The following ZNF776 variants were observed in gnomAD, a reference collection of about 807,000 sequenced individuals.
ZNF776 encodes zinc finger protein 776.
A neutral mutation model predicts 7.0 loss-of-function variants in ZNF776; 4 were observed. The observed-to-expected ratio is 0.57, with a 90% confidence interval of 0.28 to 1.31. The LOEUF (loss-of-function observed/expected upper bound fraction) is 1.31, where lower values mean the gene tolerates loss of function less well. ZNF776 is among the 50% of genes most tolerant of loss of function. The probability of loss-of-function intolerance (pLI) is 0.10; values close to 1 mark genes in which losing one functional copy is unlikely to be tolerated. For synonymous variants in ZNF776, 212 were observed against 213.7 expected (o/e 0.99, Z 0.07); for missense variants, 555 against 625.9 (o/e 0.89, Z 1.21).
Position 57,754,629 on chromosome 19 carries a change from AG to A in ZNF776, c.1502del (p.Gly501GlufsTer62). The A allele has an allele frequency of 6.2e-7, 1 of 1,614,136 alleles. No homozygotes were observed. The highest frequency in any genetic ancestry group is 8.5e-7 in the Non-Finnish European group (1 of 1,179,978). On this transcript the variant is annotated frameshift_variant, in exon 3 of 3. Coordinates refer to ENST00000317178, the MANE Select transcript of ZNF776 (RefSeq NM_173632.4). LOFTEE classifies it low-confidence loss of function (END_TRUNC). ...CGECGKCFRQKGNLIKHQRVH... is the reference protein window; with the variant it reads ...CGECGKCFRQXGNLIKHQRVH... The stretch of plus-strand genomic sequence containing the variant: ...GAATGTGGAAAGTGTTTTCGTCAAA[AG>A]GGAAACCTCATTAAACATCAACGAG...
At position 57,750,900 on chromosome 19, in the gene ZNF776, T is replaced by C. The variant is rs1215367876; in HGVS notation, c.149T>C (p.Ile50Thr). 5.0e-6 allele frequency: 8 copies of C among 1,610,088 alleles called. No homozygotes were observed. The highest frequency in any genetic ancestry group is 1.7e-4 in the Middle Eastern group (1 of 6,034). Reference sequence around the variant, plus strand: ...GTGATGCTGGAGAACCTGACACTTATATCTTCTCTAGGTAAGGCACTCACA... The same window carrying C: ...GTGATGCTGGAGAACCTGACACTTACATCTTCTCTAGGTAAGGCACTCACA... ...HDVMLENLTL[I>T]SSLGCWYGAK... Residue 50 changes from isoleucine to threonine, a missense_variant, in exon 2 of 3, where the codon ATA becomes ACA. Physicochemically the swap from Ile to Thr is moderately conservative, Grantham distance 89. Coordinates refer to ENST00000317178, the MANE Select transcript of ZNF776 (RefSeq NM_173632.4).
At position 57,753,934 on chromosome 19, in the gene ZNF776, A is replaced by G. The variant is rs1015715579; in HGVS notation, c.804A>G (p.Gln268=). Residue 268 remains glutamine (Q), a synonymous_variant, in exon 3 of 3, where the codon CAA becomes CAG. Transcript: ENST00000317178. The part of the protein sequence containing the change: ...RTGKRPYQCG[Q]CDESFWYKAH... Reference sequence around the variant, plus strand: ...GAAAAAGACCTTATCAGTGTGGACAATGTGATGAATCATTTTGGTATAAGG... The same window carrying G: ...GAAAAAGACCTTATCAGTGTGGACAGTGTGATGAATCATTTTGGTATAAGG... 11 of 1,614,136 alleles carry G rather than the reference A, an allele frequency of 6.8e-6. No individual in the cohort carries two copies. The East Asian group carries it at 1.1e-4, about 16-fold the overall frequency.
intron 1 of ZNF776, among the ~76,000 whole-genome samples, chr19:57,747,845 C>CTT (rs35757667): frequency 3.8e-4 from 55 of 144,940 alleles, no homozygotes; most frequent in African/African-American, 1.2e-3. Flanking sequence ...TCTTAGGTAC[C>CTT]TTTTTTTTTT....
At chr19:57,747,299 G>A (rs1258094901) in intron 1 of ZNF776, among the ~76,000 whole-genome samples, 1 of 152,200 alleles carries the variant, frequency 6.6e-6, no homozygotes, top group South Asian at 2.1e-4. Flanking sequence ...AAGGCCTGGA[G>A]ATGAACTGAG....
rs151216270 is a variant in ZNF776, at chr19:57,753,352, G to A, written c.222G>A (p.Glu74=). Residue 74 remains glutamate (E), a synonymous_variant, in exon 3 of 3, where the codon GAG becomes GAA. Transcript: ENST00000317178. ...AGCAGACCCTTTCTATACAACAGGAGTCCCCACTCAGGACACATTGGACAG... is the reference window on the plus strand; with the variant it reads ...AGCAGACCCTTTCTATACAACAGGAATCCCCACTCAGGACACATTGGACAG... The part of the protein sequence containing the change: ...PSKQTLSIQQ[E]SPLRTHWTGV... 6.2e-6 allele frequency: 10 copies of A among 1,614,058 alleles called. No homozygotes were observed. In the African/African-American group the frequency reaches 1.3e-4, roughly 22 times the overall value.
In ZNF776 at chr19:57,757,011, T is replaced by A. The variant is rs1339549818; in HGVS notation, c.*2324T>A. On this transcript the variant is annotated 3_prime_UTR_variant, in exon 3 of 3. Transcript: ENST00000317178. Reference sequence around the variant, plus strand: ...GAGATTAGCCCAGGTAATTTAAGAATTTTTTATAGAGATAGGGTTTTGCTA... The same window carrying A: ...GAGATTAGCCCAGGTAATTTAAGAAATTTTTATAGAGATAGGGTTTTGCTA... 1 of 338,334 alleles carries A rather than the reference T, an allele frequency of 3.0e-6. No individual in the cohort carries two copies. The highest frequency in any genetic ancestry group is 5.8e-6 in the Non-Finnish European group (1 of 172,050). The allele number at this position is 338,334 out of a possible 1,614,324, so 21.0% of individuals were successfully genotyped here.
chr19:57,754,574 C>G lies in ZNF776; in HGVS notation c.1444C>G (p.His482Asp). The G allele has an allele frequency of 1.2e-6, 2 of 1,614,228 alleles. No homozygotes were observed. Among genetic ancestry groups the G allele is most frequent in the Non-Finnish European group, 1.7e-6 (2 of 1,180,042 alleles). ...CAGTCTCATTCGACATCAGCAGATT[C>G]ACTCTGGAGAAAGGCCACATGAGTG... ...KGSLIRHQQI[H>D]SGERPHECGE... is the part of the protein sequence containing the mutation. The change falls in exon 3 of 3, where the codon CAC (histidine) becomes GAC (aspartate). Residue 482 changes from histidine (H) to aspartate (D), a missense_variant. Coordinates refer to ENST00000317178, the MANE Select transcript of ZNF776 (RefSeq NM_173632.4).
In ZNF776 at chr19:57,755,941, C is replaced by G. The variant is rs1196294565; in HGVS notation, c.*1254C>G. 1 of 152,226 alleles carries G rather than the reference C, an allele frequency of 6.6e-6. No homozygotes were observed. The highest frequency in any genetic ancestry group is 1.5e-5 in the Non-Finnish European group (1 of 68,048). 9.4% of individuals were successfully genotyped at this position (152,226 alleles called of 1,614,324 possible). ...ATGAAGAGTTAGGCCATGGACCTGACTCAGTTCTGGCCTAGAGCAGAAGTG... is the reference window on the plus strand; with the variant it reads ...ATGAAGAGTTAGGCCATGGACCTGAGTCAGTTCTGGCCTAGAGCAGAAGTG... On this transcript the variant is annotated 3_prime_UTR_variant, in exon 3 of 3. Coordinates refer to ENST00000317178, the MANE Select transcript of ZNF776 (RefSeq NM_173632.4).
At position 57,747,182 on chromosome 19, in the gene ZNF776, A is replaced by T; in HGVS notation, c.33+91A>T. The T allele has an allele frequency of 2.1e-6, 3 of 1,400,498 alleles. No individual in the cohort carries two copies. The South Asian group carries it at 3.8e-5, about 18-fold the overall frequency. The allele number at this position is 1,400,498 out of a possible 1,614,324, so 86.8% of individuals were successfully genotyped here. On this transcript the variant is annotated intron_variant, in intron 1 of 2. Coordinates refer to ENST00000317178, the MANE Select transcript of ZNF776 (RefSeq NM_173632.4). The stretch of plus-strand genomic sequence containing the variant: ...AAGCGGCGCCTGCTCAAGGTTTTAC[A>T]CCCTGAACCCGGCGTCGGGACACTG...
Position 57,757,064 on chromosome 19 carries a change from G to C in ZNF776, c.*2377G>C. ...TTACCCTGACTGATGTTCAACTCCT[G>C]GCCTCAAGTAATCCTCTAGCATACG... On this transcript the variant is annotated 3_prime_UTR_variant, in exon 3 of 3. Coordinates refer to ENST00000317178, the MANE Select transcript of ZNF776 (RefSeq NM_173632.4). The C allele has an allele frequency of 3.7e-6, 1 of 271,690 alleles. No homozygotes were observed. The highest frequency in any genetic ancestry group is 7.4e-6 in the Non-Finnish European group (1 of 134,998). 16.8% of individuals were successfully genotyped at this position (271,690 alleles called of 1,614,324 possible). A position where few individuals can be genotyped will look rare whatever the true frequency, so the allele number is the denominator to read the frequency against.
At position 57,753,674 on chromosome 19, in the gene ZNF776, C is replaced by A. The variant is rs765310602; in HGVS notation, c.544C>A (p.Gln182Lys). 6.2e-7 allele frequency: 1 copy of A among 1,614,166 alleles called. No homozygotes were observed. Among genetic ancestry groups the A allele is most frequent in the Admixed American group, 1.7e-5 (1 of 60,022 alleles). ...TTTGTCCAGCTTGAGATTACTCCAA[C>A]AAGAGGACATTCACACTTCAGGGAA... ...DFLSSLRLLQQEDIHTSGKSN... is the reference protein window; with the variant it reads ...DFLSSLRLLQKEDIHTSGKSN... The change falls in exon 3 of 3, where the codon CAA becomes AAA. Residue 182 changes from glutamine to lysine, a missense_variant. Physicochemically the swap from Gln to Lys is moderately conservative, Grantham distance 53. Transcript: ENST00000317178.
At chr19:57,751,151 C>T (rs1031402138) in intron 2 of ZNF776, among the ~76,000 whole-genome samples, 1 of 152,140 alleles carries the variant, frequency 6.6e-6, no homozygotes, top group African/African-American at 2.4e-5. Flanking sequence ...TTACAGGCAC[C>T]ATAATGCATC....
In ZNF776 at chr19:57,756,370, G is replaced by C. The variant is rs998101615; in HGVS notation, c.*1683G>C. On this transcript the variant is annotated 3_prime_UTR_variant, in exon 3 of 3. Coordinates refer to ENST00000317178, the MANE Select transcript of ZNF776 (RefSeq NM_173632.4). ...TAAGCTTCCTTCAATCTTGGGAATTGTATTGACTGTATTGTGTGAATTGTA... is the reference window on the plus strand; with the variant it reads ...TAAGCTTCCTTCAATCTTGGGAATTCTATTGACTGTATTGTGTGAATTGTA... The C allele has an allele frequency of 6.6e-6, 1 of 152,170 alleles. No homozygotes were observed. The highest frequency in any genetic ancestry group is 2.4e-5 in the African/African-American group (1 of 41,410). 9.4% of individuals were successfully genotyped at this position (152,170 alleles called of 1,614,324 possible).
rs1371772357 is a variant in ZNF776, at chr19:57,757,780, C to T, written c.*3093C>T. 1 of 152,078 alleles carries T rather than the reference C, an allele frequency of 6.6e-6. No individual in the cohort carries two copies. The highest frequency in any genetic ancestry group is 1.5e-5 in the Non-Finnish European group (1 of 68,018). The allele number at this position is 152,078 out of a possible 1,614,324, so 9.4% of individuals were successfully genotyped here. A position where few individuals can be genotyped will look rare whatever the true frequency, so the allele number is the denominator to read the frequency against. ...GACCCTGTCTCTTAAAAAATAAATA[C>T]TATCTTTCTCTCTGGCCTCTCCATG... On this transcript the variant is annotated 3_prime_UTR_variant, in exon 3 of 3. Transcript: ENST00000317178.
rs1186463537 is a variant in ZNF776 at position 57,756,248 on chromosome 19, TG to T, written c.*1562del. 1.6e-4 allele frequency: 22 copies of T among 135,172 alleles called. No individual in the cohort carries two copies. The highest frequency in any genetic ancestry group is 6.1e-4 in the African/African-American group (20 of 32,802). The allele number at this position is 135,172 out of a possible 1,614,324, so 8.4% of individuals were successfully genotyped here. A position where few individuals can be genotyped will look rare whatever the true frequency, so the allele number is the denominator to read the frequency against. On this transcript the variant is annotated 3_prime_UTR_variant, in exon 3 of 3. Transcript: ENST00000317178. ...TTTCCTAGGAATCTCATGATTGTCATGATTCTTAAAATGGAATTTTCCAGCC... is the reference window on the plus strand; with the variant it reads ...TTTCCTAGGAATCTCATGATTGTCATATTCTTAAAATGGAATTTTCCAGCC...
At chr19:57,749,923 G>T (rs1986551584) in intron 1 of ZNF776, among the ~76,000 whole-genome samples, 1 of 152,112 alleles carries the variant, frequency 6.6e-6, no homozygotes. Context: ...GAGTGTATTT[G>T]ATTTTTAAAC....
Position 57,756,931 on chromosome 19 carries a change from C to T in ZNF776, c.*2244C>T, listed in dbSNP as rs148155310. ...ACACTGGCATGGTCATACCTCACTG[C>T]GGCCTCAAACTCCTGGGCTCAAGTG... On this transcript the variant is annotated 3_prime_UTR_variant, in exon 3 of 3. Coordinates refer to ENST00000317178, the MANE Select transcript of ZNF776 (RefSeq NM_173632.4). 49 of 440,810 alleles carry T rather than the reference C, an allele frequency of 1.1e-4. No individual in the cohort carries two copies. The highest frequency in any genetic ancestry group is 1.1e-3 in the Middle Eastern group (2 of 1,798). The allele number at this position is 440,810 out of a possible 1,614,324, so 27.3% of individuals were successfully genotyped here.
intron 1 of ZNF776, among the ~76,000 whole-genome samples, chr19:57,748,560 C>T (rs566805660): frequency 6.6e-6 from 1 of 152,226 alleles, no homozygotes; most frequent in Non-Finnish European, 1.5e-5. Context: ...GAACACACTT[C>T]AGATTCTGGT....
rs931678011 is a variant in ZNF776, at chr19:57,754,046, A to G, written c.916A>G (p.Ser306Gly). The G allele has an allele frequency of 2.5e-6, 4 of 1,613,542 alleles. No individual in the cohort carries two copies. The highest frequency in any genetic ancestry group is 2.5e-6 in the Non-Finnish European group (3 of 1,179,908). Residue 306 changes from serine to glycine, a missense_variant, in exon 3 of 3, where the codon AGT becomes GGT. By Grantham distance (56) the Ser-to-Gly change is moderately conservative. Transcript: ENST00000317178. ...TGATAAATCTTTTAGTCATAAGCAC[A>G]GTCTTGTTGACCATCAGCGAGTTCA... ...ECDKSFSHKHSLVDHQRVHTG... is the reference protein window; with the variant it reads ...ECDKSFSHKHGLVDHQRVHTG...
Sources: allele counts gnomAD v4.1 joint callset (sites outside exome capture counted in the v4.1 genomes callset), GRCh38; gene constraint gnomAD v4.1.1; transcripts MANE v1.5; gene names NCBI Gene and HGNC (gene_info 2026-07-23, HGNC 2026-07-21).